Variants in ZNF221 observed in about 807,000 individuals in gnomAD.
ZNF221 encodes zinc finger protein 221.
ZNF221 carries 10 observed loss-of-function variants against 12.6 expected under a neutral mutation model. The ratio of observed to expected loss-of-function variants is 0.79; its 90% confidence interval spans 0.49 to 1.34. The LOEUF (loss-of-function observed/expected upper bound fraction) is 1.34. Ranked by LOEUF, ZNF221 falls within the 40% of genes most tolerant of loss-of-function variation. The probability of loss-of-function intolerance (pLI) is 0.00; values close to 1 mark genes in which losing one functional copy is unlikely to be tolerated. For missense variants in ZNF221, 661 were observed against 721.4 expected, an observed-to-expected ratio of 0.92 and a Z score of 0.96; for synonymous variants, 232 against 244.0, an observed-to-expected ratio of 0.95 and a Z score of 0.46.
At chr19:43,952,259 G>C (rs1974685121) in intron 1 of ZNF221, among the ~76,000 whole-genome samples, 1 of 152,150 alleles carries the variant, frequency 6.6e-6, no homozygotes, top group African/African-American at 2.4e-5. Context: ...GTCAAGAGTG[G>C]TGACACAACC....
At chr19:43,963,834 C>T (rs758600883) in intron 2 of ZNF221, among the ~76,000 whole-genome samples, 24 of 152,174 alleles carry the variant, frequency 1.6e-4, no homozygotes, top group Middle Eastern at 3.4e-3. Flanking sequence ...ATCATATTAC[C>T]GAAACCATGG....
the ZNF221 span, among the ~76,000 whole-genome samples, chr19:43,976,548 C>G: frequency 6.6e-6 from 1 of 152,000 alleles, no homozygotes; most frequent in South Asian, 2.1e-4. Flanking sequence ...AAAAAAATTC[C>G]TAATAAGTTT....
the ZNF221 span, among the ~76,000 whole-genome samples, chr19:43,975,498 T>G: frequency 6.6e-6 from 1 of 152,130 alleles, no homozygotes; most frequent in Non-Finnish European, 1.5e-5. Flanking sequence ...TGAGAACATA[T>G]GGACACATGG....
Position 43,952,566 on chromosome 19 carries a change from A to G in ZNF221, c.-3+1166A>G, listed in dbSNP as rs181847497. Among the ~76,000 whole-genome samples the G allele has an allele frequency of 6.1e-4, 93 of 152,328 alleles. 1 individual carries two copies. Among genetic ancestry groups the G allele is most frequent in the Middle Eastern group, 6.8e-3 (2 of 294 alleles). On this transcript the variant is annotated intron_variant, in intron 1 of 4. Coordinates refer to ENST00000587682, the MANE Select transcript of ZNF221 (RefSeq NM_001297588.2). ...TTTCGTCTATTAAAGATGAGAGTGAAACAAAGGGAGCAGGAGTTATTTGCC... is the reference window on the plus strand; with the variant it reads ...TTTCGTCTATTAAAGATGAGAGTGAGACAAAGGGAGCAGGAGTTATTTGCC...
chr19:43,974,950 G>A, the ZNF221 span, among the ~76,000 whole-genome samples: 5 of 152,016 alleles, frequency 3.3e-5, no homozygotes, highest in East Asian at 1.9e-4. Context: ...TGGTTGAACC[G>A]GAGGCAGAGG....
At chr19:43,958,702 A>G (rs1974796917) in intron 1 of ZNF221, among the ~76,000 whole-genome samples, 1 of 152,256 alleles carries the variant, frequency 6.6e-6, no homozygotes, top group Non-Finnish European at 1.5e-5. Context: ...GAAGCTTAAC[A>G]GGATGTCAGC....
In ZNF221 at chr19:43,965,255, T is replaced by C. The variant is rs374573607; in HGVS notation, c.231T>C (p.Asp77=). 2.0e-4 allele frequency: 320 copies of C among 1,612,964 alleles called. No homozygotes were observed. Among genetic ancestry groups the C allele is most frequent in the Non-Finnish European group, 2.5e-4 (290 of 1,179,528 alleles). The part of the protein sequence containing the change: ...LSVGNQPFHQ[D]TFHFLGKEKF... ...CAGGGAATCAACCATTCCACCAAGA[T>C]ACTTTCCACTTCTTAGGGAAGGAAA... The change falls in exon 4 of 5, where the codon GAT becomes GAC. Residue 77 remains aspartate, a synonymous_variant. Transcript: ENST00000587682.
the ZNF221 span, among the ~76,000 whole-genome samples, chr19:43,975,521 C>T: frequency 6.6e-6 from 1 of 152,092 alleles, no homozygotes; most frequent in Non-Finnish European, 1.5e-5. Flanking sequence ...GGAAACAACA[C>T]ACACTGGGGC....
rs1974925238 is a variant in ZNF221, at chr19:43,965,420, A to C, written c.301+95A>C. 7.2e-6 allele frequency: 8 copies of C among 1,114,662 alleles called. No individual in the cohort carries two copies. In the East Asian group the frequency reaches 1.5e-4, roughly 21 times the overall value. 69.0% of individuals were successfully genotyped at this position (1,114,662 alleles called of 1,614,324 possible). Reference sequence around the variant, plus strand: ...TTCCATCACCCTGGTCTAAATTGCCAAACTTCTTTCATAACTTATTGCAAC... The same window carrying C: ...TTCCATCACCCTGGTCTAAATTGCCCAACTTCTTTCATAACTTATTGCAAC... On this transcript the variant is annotated intron_variant, in intron 4 of 4. Transcript: ENST00000587682.
At chr19:43,974,347 C>T in the ZNF221 span, among the ~76,000 whole-genome samples, 2 of 152,160 alleles carry the variant, frequency 1.3e-5, no homozygotes, top group East Asian at 1.9e-4. Context: ...AAAGATTTCA[C>T]GATGAAAACA....
the ZNF221 span, among the ~76,000 whole-genome samples, chr19:43,980,706 A>C: frequency 2.0e-5 from 3 of 152,232 alleles, no homozygotes; most frequent in Non-Finnish European, 4.4e-5. Flanking sequence ...GGTGTAGGGC[A>C]AGTAGAATAT....
At chr19:43,955,923 A>G (rs987517437) in intron 1 of ZNF221, among the ~76,000 whole-genome samples, 1 of 151,368 alleles carries the variant, frequency 6.6e-6, no homozygotes, top group Admixed American at 6.6e-5. Flanking sequence ...TTATTATGGA[A>G]CTCTTCTGGG....
the ZNF221 span, among the ~76,000 whole-genome samples, chr19:43,975,008 T>A: frequency 6.6e-6 from 1 of 150,494 alleles, no homozygotes. Flanking sequence ...TGGGCAACAG[T>A]GAAACTGTGT....
Position 43,966,658 on chromosome 19 carries a change from A to T in ZNF221, c.1156A>T (p.Met386Leu). 1 of 1,614,250 alleles carries T rather than the reference A, an allele frequency of 6.2e-7. No individual in the cohort carries two copies. Among genetic ancestry groups the T allele is most frequent in the South Asian group, 1.1e-5 (1 of 91,086 alleles). Reference protein sequence around the residue: ...ICRRDFCKHQMVHTGEKPYNC... With the variant: ...ICRRDFCKHQLVHTGEKPYNC... The stretch of plus-strand genomic sequence containing the variant: ...TAGGCGAGATTTTTGTAAGCATCAG[A>T]TGGTCCACACAGGAGAGAAACCATA... The change falls in exon 5 of 5, where the codon ATG (methionine) becomes TTG (leucine). Residue 386 changes from methionine (M) to leucine (L), a missense_variant. Transcript: ENST00000587682.
At chr19:43,977,611 G>A in the ZNF221 span, among the ~76,000 whole-genome samples, 2 of 152,298 alleles carry the variant, frequency 1.3e-5, no homozygotes, top group East Asian at 3.9e-4. Flanking sequence ...AAATGCGCAT[G>A]ATCAGGGAAC....
At position 43,965,040 on chromosome 19, in the gene ZNF221, G is replaced by A; in HGVS notation, c.172G>A (p.Val58Met). ...TGCCCAGAGGAAGCTGTACCGAGAT[G>A]TGATGCTAGAGAACTTCAGGAACCT... Reference protein sequence around the residue: ...DPAQRKLYRDVMLENFRNLLS... With the variant: ...DPAQRKLYRDMMLENFRNLLS... Residue 58 changes from valine (V) to methionine (M), a missense_variant, in exon 3 of 5, where the codon GTG (valine) becomes ATG (methionine). Val to Met is a conservative substitution (Grantham distance 21, BLOSUM62 1). Transcript: ENST00000587682. 1.2e-6 allele frequency: 2 copies of A among 1,614,192 alleles called. No individual in the cohort carries two copies. Among genetic ancestry groups the A allele is most frequent in the Non-Finnish European group, 1.7e-6 (2 of 1,180,022 alleles).
chr19:43,959,001 T>C (rs968796704), intron 1 of ZNF221, among the ~76,000 whole-genome samples: 6 of 133,896 alleles, frequency 4.5e-5, no homozygotes, highest in East Asian at 2.2e-4. Flanking sequence ...TTTTTTTTTT[T>C]CACATCTCCT....
In ZNF221 at chr19:43,967,101, A is replaced by C. The variant is rs745483984; in HGVS notation, c.1599A>C (p.Leu533=). 4 of 1,595,924 alleles carry C rather than the reference A, an allele frequency of 2.5e-6. No homozygotes were observed. Among genetic ancestry groups the C allele is most frequent in the Non-Finnish European group, 3.4e-6 (4 of 1,168,460 alleles). The change falls in exon 5 of 5, where the codon CTA becomes CTC. Residue 533 remains leucine (L), a synonymous_variant. Transcript: ENST00000587682. ...SHQTCHTGEK[L]YKCEQCEKGY... Reference sequence around the variant, plus strand: ...AGACATGCCATACTGGAGAAAAGCTATACAAATGTGAGCAGTGTGAGAAGG... The same window carrying C: ...AGACATGCCATACTGGAGAAAAGCTCTACAAATGTGAGCAGTGTGAGAAGG...
At chr19:43,975,220 C>T in the ZNF221 span, among the ~76,000 whole-genome samples, 1 of 152,116 alleles carries the variant, frequency 6.6e-6, no homozygotes, top group African/African-American at 2.4e-5. Context: ...AATTATAAAT[C>T]ATTCTATTAG....
Sources: allele counts gnomAD v4.1 joint callset (sites outside exome capture counted in the v4.1 genomes callset), GRCh38; gene constraint gnomAD v4.1.1; transcripts MANE v1.5; gene names NCBI Gene and HGNC (gene_info 2026-07-23, HGNC 2026-07-21).